Variants in CD320 observed in about 807,000 individuals in gnomAD.
CD320 encodes CD320 antigen.
In CD320, 16 loss-of-function variants were observed where a neutral mutation model predicts 22.1. The observed-to-expected ratio is 0.73, with a 90% CI of 0.49 to 1.10. CD320 has a LOEUF of 1.10. CD320 is among the 50% of genes least tolerant of loss of function. The probability of loss-of-function intolerance (pLI) is 0.00; values close to 1 mark genes in which losing one functional copy is unlikely to be tolerated. For synonymous variants in CD320, 188 were observed against 167.8 expected, an observed-to-expected ratio of 1.12 and a Z score of -0.93; for missense variants, 388 against 376.9, an observed-to-expected ratio of 1.03 and a Z score of -0.24.
chr19:8,302,904 G>C lies in CD320; in HGVS notation c.579C>G (p.Leu193=). The C allele has an allele frequency of 6.2e-7, 1 of 1,613,822 alleles. No individual in the cohort carries two copies. Among genetic ancestry groups the C allele is most frequent in the Middle Eastern group, 1.7e-4 (1 of 6,060 alleles). Residue 193 remains leucine, a synonymous_variant, in exon 4 of 5, where the codon CTC becomes CTG. Transcript: ENST00000301458. ...GGGGCCCCATGGTTGTGGCATTCCT[G>C]AGAGAGGTGACACTCTCCAGGGTCA... ...PPVTLESVTS[L]RNATTMGPPV... is the part of the protein sequence containing the mutation.
Position 8,303,871 on chromosome 19 carries a change from G to A in CD320, c.486C>T (p.Ser162=). The stretch of plus-strand genomic sequence containing the variant: ...GGTGCATACCACAGCCGAGCTCGTC[G>A]CTGGAGTCGGGACAGTCTGGGTGGC... The part of the protein sequence containing the change: ...CDGHPDCPDS[S]DELGCGTNEI... Residue 162 remains serine (S), a synonymous_variant, in exon 3 of 5, where the codon AGC becomes AGT. Transcript: ENST00000301458. 3 of 1,601,258 alleles carry A rather than the reference G, an allele frequency of 1.9e-6. No individual in the cohort carries two copies. The highest frequency in any genetic ancestry group is 1.7e-5 in the Admixed American group (1 of 58,444).
Position 8,308,169 on chromosome 19 carries a change from G to C in CD320, c.122C>G (p.Pro41Arg), listed in dbSNP as rs749145394. The stretch of plus-strand genomic sequence containing the variant: ...CTCACCTGCGGCCTGGGCAGAGGTC[G>C]GGGTGGAAAGCGGGCTCGCGGCGGC... The part of the protein sequence containing the change: ...LEAAASPLST[P>R]TSAQAAGPSS... Residue 41 changes from proline to arginine, a missense_variant, in exon 1 of 5, where the codon CCG becomes CGG. Physicochemically the swap from Pro to Arg is moderately radical, Grantham distance 103. Transcript: ENST00000301458. 7 of 1,550,534 alleles carry C rather than the reference G, an allele frequency of 4.5e-6. No individual in the cohort carries two copies. The highest frequency in any genetic ancestry group is 4.8e-5 in the East Asian group (2 of 41,364).
chr19:8,303,791 G>A (rs1026573179), intron 3 of CD320, 64 bp downstream of exon 3: 4 of 1,149,204 alleles, frequency 3.5e-6, no homozygotes, highest in Non-Finnish European at 5.1e-6. Flanking sequence ...GCCTGGCCAC[G>A]CCCCAGCAGG....
intron 2 of CD320, among the ~76,000 whole-genome samples, chr19:8,304,341 C>G (rs534366607): frequency 2.0e-5 from 3 of 151,964 alleles, no homozygotes; most frequent in Non-Finnish European, 2.9e-5. Context: ...TTGTTTGTTT[C>G]TTTCTTTATT....
intron 1 of CD320, among the ~76,000 whole-genome samples, chr19:8,306,086 C>G (rs1457126507): frequency 6.6e-6 from 1 of 152,160 alleles, no homozygotes; most frequent in African/African-American, 2.4e-5. Context: ...AGGCCCCAGG[C>G]CCCAAGGTCC....
Position 8,308,294 on chromosome 19 carries a change from G to C in CD320, c.-4C>G. 5 of 1,587,212 alleles carry C rather than the reference G, an allele frequency of 3.2e-6. No homozygotes were observed. Among genetic ancestry groups the C allele is most frequent in the Non-Finnish European group, 4.3e-6 (5 of 1,173,802 alleles). On this transcript the variant is annotated 5_prime_UTR_variant, in exon 1 of 5. Coordinates refer to ENST00000301458, the MANE Select transcript of CD320 (RefSeq NM_016579.4). Reference sequence around the variant, plus strand: ...GCGCCATCCAACCGCCGCTCATGCTGTCCCCACAGCGGCGCCGGCCACGCG... The same window carrying C: ...GCGCCATCCAACCGCCGCTCATGCTCTCCCCACAGCGGCGCCGGCCACGCG...
At position 8,302,911 on chromosome 19, in the gene CD320, G is replaced by A. The variant is rs763720075; in HGVS notation, c.572C>T (p.Thr191Ile). ...CATGGTTGTGGCATTCCTGAGAGAG[G>A]TGACACTCTCCAGGGTCACAGGGGG... ...MGPPVTLESV[T>I]SLRNATTMGP... Residue 191 changes from threonine (T) to isoleucine (I), a missense_variant, in exon 4 of 5, where the codon ACC (threonine) becomes ATC (isoleucine). Physicochemically the swap from Thr to Ile is moderately conservative, Grantham distance 89. Coordinates refer to ENST00000301458, the MANE Select transcript of CD320 (RefSeq NM_016579.4). 1.2e-5 allele frequency: 20 copies of A among 1,613,876 alleles called. No individual in the cohort carries two copies. The highest frequency in any genetic ancestry group is 1.1e-5 in the Non-Finnish European group (13 of 1,179,906).
Position 8,308,209 on chromosome 19 carries a change from C to A in CD320, c.82G>T (p.Gly28Ter). The change falls in exon 1 of 5, where the codon GGA becomes TGA. Residue 28 changes from glycine (G) to a stop codon, truncating the protein, a stop_gained. Coordinates refer to ENST00000301458, the MANE Select transcript of CD320 (RefSeq NM_016579.4). LOFTEE classifies it high-confidence loss of function. ...CTCGCGGCGGCCTCCAGGCCTAGTC[C>A]GAGGCCGAGCAGCAGCAGCAGCGCC... is the stretch of plus-strand genomic sequence containing the variant. The part of the protein sequence containing the change: ...GLALLLLLGL[G>*]LGLEAAASPL... The A allele has an allele frequency of 6.4e-7, 1 of 1,572,358 alleles. No individual in the cohort carries two copies. The highest frequency in any genetic ancestry group is 2.3e-5 in the East Asian group (1 of 43,162).
intron 1 of CD320, among the ~76,000 whole-genome samples, chr19:8,307,774 C>T (rs982284144): frequency 1.3e-5 from 2 of 152,150 alleles, no homozygotes; most frequent in African/African-American, 4.8e-5. Flanking sequence ...GTGCGAGAGG[C>T]ACCAGGTGAC....
At position 8,305,342 on chromosome 19, in the gene CD320, C is replaced by G. The variant is rs554396960; in HGVS notation, c.143-186G>C. 11 of 647,006 alleles carry G rather than the reference C, an allele frequency of 1.7e-5. No homozygotes were observed. The African/African-American group carries it at 1.8e-4, about 11-fold the overall frequency. The allele number at this position is 647,006 out of a possible 1,614,324, so 40.1% of individuals were successfully genotyped here. A position where few individuals can be genotyped will look rare whatever the true frequency, so the allele number is the denominator to read the frequency against. On this transcript the variant is annotated intron_variant, in intron 1 of 4. Coordinates refer to ENST00000301458, the MANE Select transcript of CD320 (RefSeq NM_016579.4). ...TTCAGAGTGTAGCAGTTCCTGGGCT[C>G]AAGAGCCCCACTGGGCAGGTGCTAC...
chr19:8,303,699 GCCA>G (rs1327670457), intron 3 of CD320, among the ~76,000 whole-genome samples, 153 bp downstream of exon 3: 1 of 152,322 alleles, frequency 6.6e-6, no homozygotes, highest in East Asian at 1.9e-4. Flanking sequence ...ACAGGCGTGA[GCCA>G]CCGGGCCCGG....
chr19:8,302,766 G>A lies in CD320; in HGVS notation c.706+11C>T, dbSNP rs772010099. 1 of 1,613,882 alleles carries A rather than the reference G, an allele frequency of 6.2e-7. No homozygotes were observed. The highest frequency in any genetic ancestry group is 1.1e-5 in the South Asian group (1 of 91,080). ...CTAAGCCCCCAGCATGGGAGGGTAA[G>A]TCCCTCTTACCAGCAGCTGCAATAA... On this transcript the variant is annotated intron_variant, in intron 4 of 4. Coordinates refer to ENST00000301458, the MANE Select transcript of CD320 (RefSeq NM_016579.4).
rs78545807 is a variant in CD320, at chr19:8,306,317, C to T, written c.143-1161G>A. 7.2e-4 allele frequency among the ~76,000 whole-genome samples: 110 copies of T among 152,248 alleles called. No homozygotes were observed. The East Asian group carries it at 0.017, about 23-fold the overall frequency. On this transcript the variant is annotated intron_variant, in intron 1 of 4. Coordinates refer to ENST00000301458, the MANE Select transcript of CD320 (RefSeq NM_016579.4). ...GTGGAGGTCAGGGCTGTGACCTGGC[C>T]GCCTAAACCCAGGGCAGTGCCTGAT...
At position 8,303,917 on chromosome 19, in the gene CD320, G is replaced by C. The variant is rs762418586; in HGVS notation, c.440C>G (p.Pro147Arg). The change falls in exon 3 of 5, where the codon CCA becomes CGA. Residue 147 changes from proline to arginine, a missense_variant. Transcript: ENST00000301458. ...GTGGCCGTCGCAGCGCCACGTGAGT[G>C]GAATGCAGTCATCGCTCAGCGTGCA... ...LRCTLSDDCI[P>R]LTWRCDGHPD... is the part of the protein sequence containing the mutation. 1 of 1,605,608 alleles carries C rather than the reference G, an allele frequency of 6.2e-7. No individual in the cohort carries two copies. The highest frequency in any genetic ancestry group is 8.5e-7 in the Non-Finnish European group (1 of 1,176,432).
chr19:8,305,142 AGCCT>A lies in CD320; in HGVS notation c.153_156del (p.Gly52ArgfsTer81), dbSNP rs774834117. The A allele has an allele frequency of 6.2e-7, 1 of 1,608,770 alleles. No individual in the cohort carries two copies. Among genetic ancestry groups the A allele is most frequent in the Non-Finnish European group, 8.5e-7 (1 of 1,177,836 alleles). ...CACTGGAACTTGGTGGGTGGGCACGAGCCTGAGCTGGGGCCTGCGAGATGGATGC... is the reference window on the plus strand; with the variant it reads ...CACTGGAACTTGGTGGGTGGGCACGAGAGCTGGGGCCTGCGAGATGGATGC... On this transcript the variant is annotated frameshift_variant, in exon 2 of 5. Coordinates refer to ENST00000301458, the MANE Select transcript of CD320 (RefSeq NM_016579.4). LOFTEE classifies it high-confidence loss of function.
intron 1 of CD320, 70 bp downstream of exon 1, chr19:8,308,079 G>C: frequency 7.2e-7 from 1 of 1,383,094 alleles, no homozygotes; most frequent in Non-Finnish European, 9.4e-7. Context: ...GTGACTAGGC[G>C]TTGTCGGTGC....
chr19:8,302,132 T>C lies in CD320; in HGVS notation c.*331A>G. ...CAGAGACCCAGAGGCAGGCGGAGGA[T>C]GTGAAGCAACTTTAATTGCCACCCT... On this transcript the variant is annotated 3_prime_UTR_variant, in exon 5 of 5. Coordinates refer to ENST00000301458, the MANE Select transcript of CD320 (RefSeq NM_016579.4). The C allele has an allele frequency of 2.1e-6, 1 of 476,390 alleles. No homozygotes were observed. The highest frequency in any genetic ancestry group is 4.1e-6 in the Non-Finnish European group (1 of 243,554). 29.5% of individuals were successfully genotyped at this position (476,390 alleles called of 1,614,324 possible).
In CD320 at chr19:8,302,330, G is replaced by T; in HGVS notation, c.*133C>A. On this transcript the variant is annotated 3_prime_UTR_variant, in exon 5 of 5. Transcript: ENST00000301458. ...CAGGGCCACTTCTGCAGGAGCTCGG[G>T]TTCGAGGTTCCACGTGGCCAGAAGA... 1 of 1,115,256 alleles carries T rather than the reference G, an allele frequency of 9.0e-7. No individual in the cohort carries two copies. The highest frequency in any genetic ancestry group is 1.4e-6 in the Non-Finnish European group (1 of 737,822). The allele number at this position is 1,115,256 out of a possible 1,614,324, so 69.1% of individuals were successfully genotyped here.
At chr19:8,303,091 A>AAGC (rs1284243818) in intron 3 of CD320, 111 bp from the exon 4 acceptor site, 7 of 563,550 alleles carry the variant, frequency 1.2e-5, no homozygotes, top group Non-Finnish European at 1.8e-5. Context: ...AGGCTGGGTG[A>AAGC]AGCTGACTGC....
Sources: allele counts gnomAD v4.1 joint callset (sites outside exome capture counted in the v4.1 genomes callset), GRCh38; gene constraint gnomAD v4.1.1; transcripts MANE v1.5; gene names NCBI Gene and HGNC (gene_info 2026-07-23, HGNC 2026-07-21).